Variants in CCDC127 observed in about 807,000 individuals in gnomAD.
CCDC127 encodes coiled-coil domain-containing protein 127.
A neutral mutation model predicts 4.1 loss-of-function variants in CCDC127; 2 were observed. That is an observed-to-expected ratio of 0.49 (90% CI 0.20 to 1.53). The LOEUF (loss-of-function observed/expected upper bound fraction) is 1.53. Ranked by LOEUF, CCDC127 falls within the 40% of genes most tolerant of loss-of-function variation. The pLI, the probability that CCDC127 is intolerant of heterozygous loss-of-function variation, is 0.23. For missense variants in CCDC127, 271 were observed against 322.9 expected (o/e 0.84, Z 1.23); for synonymous variants, 98 against 120.4 (o/e 0.81, Z 1.22).
intron 2 of CCDC127, chr5:214,938 G>C (rs899491959): frequency 1.3e-5 from 2 of 151,810 alleles, no homozygotes; most frequent in African/African-American, 4.8e-5. Context: ...TGAGGCAGGA[G>C]AATCACTAGA....
At chr5:207,581 C>T (rs561826867) in intron 2 of CCDC127, among the ~76,000 whole-genome samples, 3 of 152,242 alleles carry the variant, frequency 2.0e-5, no homozygotes, top group South Asian at 2.1e-4. Context: ...GCGAGAGCAT[C>T]GGAGAGTGAG....
Position 216,203 on chromosome 5 carries a change from G to A in CCDC127, c.121+526C>T, listed in dbSNP as rs553771581. The A allele has an allele frequency of 2.9e-4, 46 of 160,320 alleles. 1 individual carries two copies. The highest frequency in any genetic ancestry group is 1.9e-4 in the Non-Finnish European group (14 of 74,272). The allele number at this position is 160,320 out of a possible 1,614,324, so 9.9% of individuals were successfully genotyped here. A position where few individuals can be genotyped will look rare whatever the true frequency, so the allele number is the denominator to read the frequency against. ...GTAGCTGGGACTACAGGTGTGCACC[G>A]TCACGACTTGCTAATTTTTGTATTT... On this transcript the variant is annotated intron_variant, in intron 2 of 2. Transcript: ENST00000296824.
intron 2 of CCDC127, 129 bp downstream of exon 2, chr5:216,600 A>G (rs1372056154): frequency 1.5e-6 from 1 of 685,376 alleles, no homozygotes; most frequent in Non-Finnish European, 2.5e-6. Context: ...ACTGCAGGGG[A>G]TAAAACTCGG....
Position 197,210 on chromosome 5 carries a change from T to C in CCDC127, c.*8087A>G, listed in dbSNP as rs1579353269. On this transcript the variant is annotated 3_prime_UTR_variant, in exon 3 of 3. Transcript: ENST00000296824. ...TCCCGCCACAAGGCGGCTTTTCTCC[T>C]GTCTCAGAGTTGAACAAATGTACAA... The C allele has an allele frequency of 1.3e-5, 2 of 152,264 alleles. No homozygotes were observed. Among genetic ancestry groups the C allele is most frequent in the African/African-American group, 4.8e-5 (2 of 41,444 alleles). The allele number at this position is 152,264 out of a possible 1,614,324, so 9.4% of individuals were successfully genotyped here. A position where few individuals can be genotyped will look rare whatever the true frequency, so the allele number is the denominator to read the frequency against.
rs1410187574 is a variant in CCDC127 at position 203,295 on chromosome 5, CAG to C, written c.*2000_*2001del. 2.0e-5 allele frequency: 3 copies of C among 151,982 alleles called. No homozygotes were observed. Among genetic ancestry groups the C allele is most frequent in the African/African-American group, 7.3e-5 (3 of 41,354 alleles). 9.4% of individuals were successfully genotyped at this position (151,982 alleles called of 1,614,324 possible). A position where few individuals can be genotyped will look rare whatever the true frequency, so the allele number is the denominator to read the frequency against. ...CTCAGATAAAGCGATGGTGGTAGAG[CAG>C]AGAGGCACGCTAGCAGCCACTGAAG... On this transcript the variant is annotated 3_prime_UTR_variant, in exon 3 of 3. Transcript: ENST00000296824.
rs1476108869 is a variant in CCDC127, at chr5:218,112, A to C, written c.-30T>G. 2.5e-6 allele frequency: 3 copies of C among 1,217,774 alleles called. No homozygotes were observed. The African/African-American group carries it at 4.7e-5, about 19-fold the overall frequency. The allele number at this position is 1,217,774 out of a possible 1,614,324, so 75.4% of individuals were successfully genotyped here. ...CTCTACCTCGGTCGGGGAGCGCGGG[A>C]CCTCAGCGTTCCCTTAACGCCACCG... On this transcript the variant is annotated 5_prime_UTR_variant, in exon 1 of 3. Coordinates refer to ENST00000296824, the MANE Select transcript of CCDC127 (RefSeq NM_145265.3).
At chr5:206,265 T>C (rs570566862) in intron 2 of CCDC127, among the ~76,000 whole-genome samples, 1 of 123,548 alleles carries the variant, frequency 8.1e-6, no homozygotes, top group South Asian at 2.3e-4. Context: ...GTTTAAAATG[T>C]TTGGGTCGAC....
rs181271188 is a variant in CCDC127, at chr5:205,106, G to A, written c.*191C>T. The A allele has an allele frequency of 7.7e-5, 43 of 557,604 alleles. No individual in the cohort carries two copies. Among genetic ancestry groups the A allele is most frequent in the African/African-American group, 2.1e-4 (11 of 53,412 alleles). 34.5% of individuals were successfully genotyped at this position (557,604 alleles called of 1,614,324 possible). The stretch of plus-strand genomic sequence containing the variant: ...ATATCCCCAACAGCGGCAGAGCATC[G>A]GGAGGAGACCCTCTGTCTCTGAGGC... On this transcript the variant is annotated 3_prime_UTR_variant, in exon 3 of 3. Coordinates refer to ENST00000296824, the MANE Select transcript of CCDC127 (RefSeq NM_145265.3).
At chr5:217,950 T>A in intron 1 of CCDC127, 143 bp downstream of exon 1, 1 of 303,408 alleles carries the variant, frequency 3.3e-6, no homozygotes, top group East Asian at 8.4e-5. Context: ...CCCGCCCACC[T>A]CCGCGGACGA....
chr5:205,282 G>T lies in CCDC127; in HGVS notation c.*15C>A. 6.3e-7 allele frequency: 1 copy of T among 1,592,282 alleles called. No individual in the cohort carries two copies. Among genetic ancestry groups the T allele is most frequent in the East Asian group, 2.2e-5 (1 of 44,518 alleles). On this transcript the variant is annotated 3_prime_UTR_variant, in exon 3 of 3. Transcript: ENST00000296824. ...GGCCTCGAGTCACTAAAAGCAGTTT[G>T]ATTTCACTCTTGTCTTACTTTTCTA...
rs993919711 is a variant in CCDC127, at chr5:204,450, T to C, written c.*847A>G. 3.3e-5 allele frequency: 5 copies of C among 152,240 alleles called. No homozygotes were observed. Among genetic ancestry groups the C allele is most frequent in the African/African-American group, 9.6e-5 (4 of 41,468 alleles). The allele number at this position is 152,240 out of a possible 1,614,324, so 9.4% of individuals were successfully genotyped here. On this transcript the variant is annotated 3_prime_UTR_variant, in exon 3 of 3. Coordinates refer to ENST00000296824, the MANE Select transcript of CCDC127 (RefSeq NM_145265.3). ...AAGTGCCTGTCTACCTTGTTGGCTG[T>C]GGTAAACAATGAGATAATACATATA...
At position 196,910 on chromosome 5, in the gene CCDC127, T is replaced by TAC. The variant is rs909858157; in HGVS notation, c.*8385_*8386dup. 318 of 148,026 alleles carry TAC rather than the reference T, an allele frequency of 2.1e-3. 8 individuals carry two copies. Among genetic ancestry groups the TAC allele is most frequent in the African/African-American group, 7.6e-3 (302 of 39,888 alleles). The allele number at this position is 148,026 out of a possible 1,614,324, so 9.2% of individuals were successfully genotyped here. On this transcript the variant is annotated 3_prime_UTR_variant, in exon 3 of 3. Transcript: ENST00000296824. ...GGGCCCAGGGGACCGGCGCTCAGCATACCAAGGACCTGCACTGGCACCGGC... is the reference window on the plus strand; with the variant it reads ...GGGCCCAGGGGACCGGCGCTCAGCATACACCAAGGACCTGCACTGGCACCGGC...
rs1224214794 is a variant in CCDC127 at position 199,056 on chromosome 5, GGCC to G, written c.*6238_*6240del. On this transcript the variant is annotated 3_prime_UTR_variant, in exon 3 of 3. Coordinates refer to ENST00000296824, the MANE Select transcript of CCDC127 (RefSeq NM_145265.3). ...GTGATGTGAGCAGGGTCCCAATGGG[GGCC>G]GCCATCTGGAGCCACCGTCTTTGCC... is the stretch of plus-strand genomic sequence containing the variant. 1.3e-5 allele frequency: 2 copies of G among 152,362 alleles called. No individual in the cohort carries two copies. The highest frequency in any genetic ancestry group is 2.9e-5 in the Non-Finnish European group (2 of 68,170). The allele number at this position is 152,362 out of a possible 1,614,324, so 9.4% of individuals were successfully genotyped here.
chr5:203,353 A>C lies in CCDC127; in HGVS notation c.*1944T>G, dbSNP rs897843072. 1 of 152,276 alleles carries C rather than the reference A, an allele frequency of 6.6e-6. No individual in the cohort carries two copies. The highest frequency in any genetic ancestry group is 2.4e-5 in the African/African-American group (1 of 41,456). The allele number at this position is 152,276 out of a possible 1,614,324, so 9.4% of individuals were successfully genotyped here. A position where few individuals can be genotyped will look rare whatever the true frequency, so the allele number is the denominator to read the frequency against. On this transcript the variant is annotated 3_prime_UTR_variant, in exon 3 of 3. Transcript: ENST00000296824. ...AAGCATCTGAGCACCCTTAGCCATC[A>C]CACCACTGCACTCCTGCCTGGGTGA...
intron 2 of CCDC127, chr5:215,936 G>C (rs1734371866): frequency 6.8e-6 from 1 of 146,830 alleles, no homozygotes; most frequent in Non-Finnish European, 1.5e-5. Context: ...GGTCCCCAAA[G>C]TGGTGCCAAG....
rs768313643 is a variant in CCDC127, at chr5:201,501, T to TG, written c.*3795dup. ...TGGTGCAAGGTTTGCAGAACAATTT[T>TG]GTCCTTATGAAATCAACACCTGCCA... is the stretch of plus-strand genomic sequence containing the variant. On this transcript the variant is annotated 3_prime_UTR_variant, in exon 3 of 3. Coordinates refer to ENST00000296824, the MANE Select transcript of CCDC127 (RefSeq NM_145265.3). 1.3e-5 allele frequency: 2 copies of TG among 152,234 alleles called. No homozygotes were observed. Among genetic ancestry groups the TG allele is most frequent in the Non-Finnish European group, 2.9e-5 (2 of 68,040 alleles). 9.4% of individuals were successfully genotyped at this position (152,234 alleles called of 1,614,324 possible). A position where few individuals can be genotyped will look rare whatever the true frequency, so the allele number is the denominator to read the frequency against.
intron 2 of CCDC127, among the ~76,000 whole-genome samples, chr5:206,419 G>A (rs997670678): frequency 2.0e-5 from 3 of 152,236 alleles, no homozygotes; most frequent in Non-Finnish European, 4.4e-5. Flanking sequence ...TCAGCCTCAA[G>A]ACACAGTGGG....
In CCDC127 at chr5:197,425, G is replaced by C. The variant is rs910821326; in HGVS notation, c.*7872C>G. 2 of 152,290 alleles carry C rather than the reference G, an allele frequency of 1.3e-5. No individual in the cohort carries two copies. The highest frequency in any genetic ancestry group is 1.3e-4 in the Admixed American group (2 of 15,290). 9.4% of individuals were successfully genotyped at this position (152,290 alleles called of 1,614,324 possible). On this transcript the variant is annotated 3_prime_UTR_variant, in exon 3 of 3. Transcript: ENST00000296824. ...CATATTTCAGACTATCACATGGGGA[G>C]AAACCGTGGACAATACCCGGCTTTC...
In CCDC127 at chr5:202,141, T is replaced by A. The variant is rs1734085995; in HGVS notation, c.*3156A>T. On this transcript the variant is annotated 3_prime_UTR_variant, in exon 3 of 3. Transcript: ENST00000296824. ...CTGTGGGCTCACCTTTCGGTACATGTGTGGAGTTACCAAATGGCACAGCAC... is the reference window on the plus strand; with the variant it reads ...CTGTGGGCTCACCTTTCGGTACATGAGTGGAGTTACCAAATGGCACAGCAC... 6.6e-6 allele frequency: 1 copy of A among 152,284 alleles called. No homozygotes were observed. The highest frequency in any genetic ancestry group is 1.5e-5 in the Non-Finnish European group (1 of 68,064). The allele number at this position is 152,284 out of a possible 1,614,324, so 9.4% of individuals were successfully genotyped here. A position where few individuals can be genotyped will look rare whatever the true frequency, so the allele number is the denominator to read the frequency against.
Sources: allele counts gnomAD v4.1 joint callset (sites outside exome capture counted in the v4.1 genomes callset), GRCh38; gene constraint gnomAD v4.1.1; transcripts MANE v1.5; gene names NCBI Gene and HGNC (gene_info 2026-07-23, HGNC 2026-07-21).